SKP1: variants seen among roughly 807,000 people sequenced by gnomAD.
The protein encoded by SKP1 is S-phase kinase-associated protein 1.
Under a neutral mutation model 21.5 loss-of-function variants are expected in SKP1, and 1 was observed. That is an observed-to-expected ratio of 0.05 (90% CI 0.02 to 0.22). The LOEUF is 0.22. SKP1 is among the 10% of genes least tolerant of loss of function. The pLI is 1.00. For missense variants in SKP1, 70 were observed against 192.0 expected, an observed-to-expected ratio of 0.36 and a Z score of 3.76; for synonymous variants, 59 against 59.3, an observed-to-expected ratio of 0.99 and a Z score of 0.03.
chr5:134,158,018 T>A, intron 5 of SKP1: 1 of 1,487,712 alleles, frequency 6.7e-7, no homozygotes, highest in Non-Finnish European at 9.0e-7. Context: ...ACAGAGCAAA[T>A]TCAGTTAATT....
At position 134,154,030 on chromosome 5, in the gene SKP1, G is replaced by A. The variant is rs1761081128; in HGVS notation, c.*3703C>T. ...TATAATCCCACACAGGGAGCTACAG[G>A]ATGATTTTGTGAATCTCTGAGAAAA... On this transcript the variant is annotated 3_prime_UTR_variant, in exon 6 of 6. Coordinates refer to ENST00000353411, the MANE Select transcript of SKP1 (RefSeq NM_170679.3). The A allele has an allele frequency of 6.6e-6, 1 of 152,174 alleles. No individual in the cohort carries two copies. Among genetic ancestry groups the A allele is most frequent in the African/African-American group, 2.4e-5 (1 of 41,440 alleles). 9.4% of individuals were successfully genotyped at this position (152,174 alleles called of 1,614,324 possible).
At chr5:134,176,251 A>C (rs1224215541) in intron 1 of SKP1, among the ~76,000 whole-genome samples, 4 of 152,204 alleles carry the variant, frequency 2.6e-5, no homozygotes, top group Admixed American at 6.5e-5. Flanking sequence ...AGAAATATTC[A>C]GATGGAGCAG....
At chr5:134,162,114 T>C (rs1334855205) in intron 3 of SKP1, among the ~76,000 whole-genome samples, 1 of 151,688 alleles carries the variant, frequency 6.6e-6, no homozygotes, top group African/African-American at 2.4e-5. Context: ...AAAGGGTTGT[T>C]TGTTTGTTTT....
chr5:134,158,442 G>A lies in SKP1; in HGVS notation c.456+13C>T, dbSNP rs1761159526. 1 of 1,613,944 alleles carries A rather than the reference G, an allele frequency of 6.2e-7. No individual in the cohort carries two copies. Among genetic ancestry groups the A allele is most frequent in the Non-Finnish European group, 8.5e-7 (1 of 1,179,930 alleles). ...AGAGCATGTGATCAAAGACAAAACT[G>A]TGTGCTACCTACCTGGGCTTCCTCC... On this transcript the variant is annotated intron_variant, in intron 5 of 5. Coordinates refer to ENST00000353411, the MANE Select transcript of SKP1 (RefSeq NM_170679.3).
Position 134,157,496 on chromosome 5 carries a change from T to A in SKP1, c.*237A>T. On this transcript the variant is annotated 3_prime_UTR_variant, in exon 6 of 6. Coordinates refer to ENST00000353411, the MANE Select transcript of SKP1 (RefSeq NM_170679.3). ...AATGCCACTTATAGAGAACCCACAGTTCAGTTTTATTCAGAGCAAAGAAAA... is the reference window on the plus strand; with the variant it reads ...AATGCCACTTATAGAGAACCCACAGATCAGTTTTATTCAGAGCAAAGAAAA... The A allele has an allele frequency of 2.2e-6, 1 of 447,492 alleles. No individual in the cohort carries two copies. The highest frequency in any genetic ancestry group is 4.0e-6 in the Non-Finnish European group (1 of 249,194). The allele number at this position is 447,492 out of a possible 1,614,324, so 27.7% of individuals were successfully genotyped here.
At chr5:134,167,348 T>A (rs978079131) in intron 2 of SKP1, 105 bp from the exon 3 acceptor site, 28 of 730,516 alleles carry the variant, frequency 3.8e-5, no homozygotes, top group African/African-American at 5.3e-5. Context: ...ATCCATGAGT[T>A]CTACATCTGT....
chr5:134,151,003 A>C lies in SKP1; in HGVS notation c.*6730T>G, dbSNP rs892400132. ...CATGGGATTAGGCATGTTAACTGGA[A>C]AGGGAAAACTTATGTCCTGGGGGTG... On this transcript the variant is annotated 3_prime_UTR_variant, in exon 6 of 6. Coordinates refer to ENST00000353411, the MANE Select transcript of SKP1 (RefSeq NM_170679.3). The C allele has an allele frequency of 6.6e-6, 1 of 152,274 alleles. No homozygotes were observed. The highest frequency in any genetic ancestry group is 1.5e-5 in the Non-Finnish European group (1 of 68,084). 9.4% of individuals were successfully genotyped at this position (152,274 alleles called of 1,614,324 possible).
intron 3 of SKP1, among the ~76,000 whole-genome samples, chr5:134,164,820 A>G (rs1176280591): frequency 6.6e-6 from 1 of 152,228 alleles, no homozygotes; most frequent in African/African-American, 2.4e-5. Flanking sequence ...TTGTCACTTA[A>G]AAATGGTTAA....
intron 3 of SKP1, among the ~76,000 whole-genome samples, chr5:134,166,553 C>A (rs989841743): frequency 3.9e-5 from 5 of 129,414 alleles, no homozygotes; most frequent in Non-Finnish European, 6.2e-5. Flanking sequence ...TACCCTCCAA[C>A]CTGGCGACAG....
intron 2 of SKP1, among the ~76,000 whole-genome samples, chr5:134,167,551 C>G (rs887173355): frequency 2.0e-5 from 3 of 149,846 alleles, no homozygotes; most frequent in Non-Finnish European, 4.4e-5. Flanking sequence ...GAGACAGATT[C>G]TTGCTCTGTC....
chr5:134,151,647 T>C lies in SKP1; in HGVS notation c.*6086A>G, dbSNP rs1479375883. 1 of 456,094 alleles carries C rather than the reference T, an allele frequency of 2.2e-6. No individual in the cohort carries two copies. The highest frequency in any genetic ancestry group is 4.4e-6 in the Non-Finnish European group (1 of 226,914). The allele number at this position is 456,094 out of a possible 1,614,324, so 28.3% of individuals were successfully genotyped here. On this transcript the variant is annotated 3_prime_UTR_variant, in exon 6 of 6. Transcript: ENST00000353411. ...ATCAGAAGGTCTGAATATACTTAAA[T>C]ACTTCCAGAAAATTTAAAGTTGACA...
rs1366043954 is a variant in SKP1, at chr5:134,158,338, A to G, written c.456+117T>C. 14 of 1,587,380 alleles carry G rather than the reference A, an allele frequency of 8.8e-6. No individual in the cohort carries two copies. In the Admixed American group the frequency reaches 2.3e-4, roughly 26 times the overall value. On this transcript the variant is annotated intron_variant, in intron 5 of 5. Coordinates refer to ENST00000353411, the MANE Select transcript of SKP1 (RefSeq NM_170679.3). ...AGTATGTTTAAGACACATTAAGTAC[A>G]TATTATCCCTAAAGTATCAAGACTA...
intron 2 of SKP1, among the ~76,000 whole-genome samples, chr5:134,170,037 C>T (rs1042705301): frequency 1.3e-5 from 2 of 148,450 alleles, no homozygotes; most frequent in Non-Finnish European, 1.5e-5. Flanking sequence ...GGTGTGGTGG[C>T]GCATGCCTGT....
chr5:134,175,522 T>C (rs1226807233), intron 1 of SKP1: 1 of 152,202 alleles, frequency 6.6e-6, no homozygotes, highest in Non-Finnish European at 1.5e-5. Context: ...ATTTTTATAT[T>C]AGATAGTACT....
Position 134,155,741 on chromosome 5 carries a change from G to A in SKP1, c.*1992C>T, listed in dbSNP as rs1489331428. Reference sequence around the variant, plus strand: ...CCTTTACAAGTTAAACATGGCATATGGCAGTAATCCTGGACCTTCAGTGAA... The same window carrying A: ...CCTTTACAAGTTAAACATGGCATATAGCAGTAATCCTGGACCTTCAGTGAA... On this transcript the variant is annotated 3_prime_UTR_variant, in exon 6 of 6. Coordinates refer to ENST00000353411, the MANE Select transcript of SKP1 (RefSeq NM_170679.3). The A allele has an allele frequency of 6.6e-6, 1 of 152,184 alleles. No individual in the cohort carries two copies. Among genetic ancestry groups the A allele is most frequent in the Non-Finnish European group, 1.5e-5 (1 of 68,036 alleles). The allele number at this position is 152,184 out of a possible 1,614,324, so 9.4% of individuals were successfully genotyped here.
intron 4 of SKP1, among the ~76,000 whole-genome samples, chr5:134,158,882 TACC>T (rs943870444): frequency 3.3e-5 from 5 of 152,232 alleles, no homozygotes; most frequent in Non-Finnish European, 5.9e-5. Flanking sequence ...TGCACACAAA[TACC>T]ACATCAGGTC....
intron 2 of SKP1, among the ~76,000 whole-genome samples, chr5:134,171,784 C>G (rs192510284): frequency 9.2e-5 from 14 of 152,296 alleles, no homozygotes; most frequent in African/African-American, 2.9e-4. Context: ...GTGGCTCATG[C>G]CTGTAATTCC....
rs1409554035 is a variant in SKP1 at position 134,163,212 on chromosome 5, C to A, written c.172-2082G>T. Among the ~76,000 whole-genome samples the A allele has an allele frequency of 4.3e-3, 303 of 70,060 alleles. 1 individual carries two copies. The highest frequency in any genetic ancestry group is 0.014 in the Middle Eastern group (1 of 70). 46.0% of individuals were successfully genotyped at this position (70,060 alleles called of 152,430 possible). ...CCTGAGCAAGAGAGTGCGATTCTGT[C>A]AAAAAAAAAAAAAAAAAATCACTAT... On this transcript the variant is annotated intron_variant, in intron 3 of 5. Coordinates refer to ENST00000353411, the MANE Select transcript of SKP1 (RefSeq NM_170679.3).
At position 134,151,570 on chromosome 5, in the gene SKP1, T is replaced by C. The variant is rs1167130572; in HGVS notation, c.*6163A>G. The C allele has an allele frequency of 2.4e-6, 1 of 413,748 alleles. No individual in the cohort carries two copies. The highest frequency in any genetic ancestry group is 4.9e-6 in the Non-Finnish European group (1 of 202,488). 25.6% of individuals were successfully genotyped at this position (413,748 alleles called of 1,614,324 possible). A position where few individuals can be genotyped will look rare whatever the true frequency, so the allele number is the denominator to read the frequency against. On this transcript the variant is annotated 3_prime_UTR_variant, in exon 6 of 6. Coordinates refer to ENST00000353411, the MANE Select transcript of SKP1 (RefSeq NM_170679.3). ...TTTAAGGAAATAAGCTGATCCTCAGTGTGCAATAAGAGGCTGCTATATAGC... is the reference window on the plus strand; with the variant it reads ...TTTAAGGAAATAAGCTGATCCTCAGCGTGCAATAAGAGGCTGCTATATAGC...
Sources: allele counts gnomAD v4.1 joint callset (sites outside exome capture counted in the v4.1 genomes callset), GRCh38; gene constraint gnomAD v4.1.1; transcripts MANE v1.5; gene names NCBI Gene and HGNC (gene_info 2026-07-23, HGNC 2026-07-21).